The following PRR12 variants were observed in gnomAD, a reference collection of about 807,000 sequenced individuals.
The protein encoded by PRR12 is proline-rich protein 12.
In PRR12, 12 loss-of-function variants were observed where a neutral mutation model predicts 138.0. The observed-to-expected ratio is 0.09, with a 90% confidence interval of 0.06 to 0.14. PRR12 has a LOEUF of 0.14. PRR12 is among the 10% of genes least tolerant of loss of function. PRR12 has a pLI of 1.00. For synonymous variants in PRR12, 1,567 were observed against 1,291.7 expected (o/e 1.21, Z -4.57); for missense variants, 2,692 against 2,861.3 (o/e 0.94, Z 1.35).
chr19:49,597,782 C>G lies in PRR12; in HGVS notation c.3447C>G (p.Pro1149=). Residue 1149 remains proline, a synonymous_variant, in exon 4 of 14, where the codon CCC becomes CCG. Transcript: ENST00000418929. The surrounding 1 kb of genome is among the most constrained non-coding windows in gnomAD (Gnocchi z 6.3). ...ACTTCTGCCCACCCAACCCAGGACC[C>G]GATGGCCCCCGGCGCCGTGGCCGCA... is the stretch of plus-strand genomic sequence containing the variant. ...DIDFCPPNPG[P]DGPRRRGRKP... is the part of the protein sequence containing the mutation. 1 of 1,590,244 alleles carries G rather than the reference C, an allele frequency of 6.3e-7. No homozygotes were observed. Among genetic ancestry groups the G allele is most frequent in the Non-Finnish European group, 8.6e-7 (1 of 1,168,638 alleles).
At position 49,596,285 on chromosome 19, in the gene PRR12, C is replaced by T. The variant is rs767658268; in HGVS notation, c.1950C>T (p.Pro650=). 5.7e-5 allele frequency: 92 copies of T among 1,611,222 alleles called. 1 individual carries two copies. In the East Asian group the frequency reaches 2.0e-3, roughly 36 times the overall value. Residue 650 remains proline, a synonymous_variant, in exon 4 of 14, where the codon CCC becomes CCT. Transcript: ENST00000418929. This position sits in a 1 kb window ranked among gnomAD's most constrained non-coding sequence, Gnocchi z 5.6. The stretch of plus-strand genomic sequence containing the variant: ...TTATCCAGCACCTCTTGCAGGCGCC[C>T]AGCCCTCCTCGGACCTCAGGGGCGG... ...EFLIQHLLQA[P]SPPRTSGADG...
At chr19:49,622,928 TAGAGAGAG>T (rs1312571676) in intron 11 of PRR12, among the ~76,000 whole-genome samples, 53 of 77,756 alleles carry the variant, frequency 6.8e-4, no homozygotes, top group South Asian at 1.4e-3. Flanking sequence ...TATATATATA[TAGAGAGAG>T]AGAGAGAGAG....
rs1378586024 is a variant in PRR12 at position 49,597,955 on chromosome 19, G to A, written c.3620G>A (p.Arg1207Gln). The stretch of plus-strand genomic sequence containing the variant: ...AAACCCCGGGGCCGGGGCCGAGGCC[G>A]GGGTCGAAAGGCTGAGGAGGCAGGG... ...AKKPRGRGRG[R>Q]GRKAEEAGGT... Residue 1207 changes from arginine to glutamine, a missense_variant, in exon 4 of 14, where the codon CGG becomes CAG. This residue lies in a region of PRR12 where 326 missense variants were observed against 344.2 expected (regional missense o/e 0.95). Coordinates refer to ENST00000418929, the MANE Select transcript of PRR12 (RefSeq NM_020719.3). The surrounding 1 kb of genome is among the most constrained non-coding windows in gnomAD (Gnocchi z 6.3). 7.1e-7 allele frequency: 1 copy of A among 1,401,460 alleles called. No homozygotes were observed. Among genetic ancestry groups the A allele is most frequent in the African/African-American group, 1.5e-5 (1 of 65,698 alleles). The allele number at this position is 1,401,460 out of a possible 1,614,324, so 86.8% of individuals were successfully genotyped here. A position where few individuals can be genotyped will look rare whatever the true frequency, so the allele number is the denominator to read the frequency against.
rs2080749233 is a variant in PRR12 at position 49,594,271 on chromosome 19, C to T, written c.200-183C>T. 6.6e-6 allele frequency among the ~76,000 whole-genome samples: 1 copy of T among 151,724 alleles called. No individual in the cohort carries two copies. Among genetic ancestry groups the T allele is most frequent in the Middle Eastern group, 3.4e-3 (1 of 294 alleles). On this transcript the variant is annotated intron_variant, in intron 2 of 13. Transcript: ENST00000418929. The surrounding 1 kb of genome is among the most constrained non-coding windows in gnomAD (Gnocchi z 5.6). The stretch of plus-strand genomic sequence containing the variant: ...TCTTGCTTTACTGTCTCACCTTTCC[C>T]CCTTCCCTCCCCTCATTCATGTCTC...
In PRR12 at chr19:49,616,337, T is replaced by C. The variant is rs145940394; in HGVS notation, c.5497+118T>C. 144 of 897,286 alleles carry C rather than the reference T, an allele frequency of 1.6e-4. No individual in the cohort carries two copies. The East Asian group carries it at 4.0e-3, about 25-fold the overall frequency. The allele number at this position is 897,286 out of a possible 1,614,324, so 55.6% of individuals were successfully genotyped here. ...ACAGTAAGAACCAGTATGTTACAGA[T>C]AATGGCAGTAGCTCACAGTCACGGG... On this transcript the variant is annotated intron_variant, in intron 9 of 13. Coordinates refer to ENST00000418929, the MANE Select transcript of PRR12 (RefSeq NM_020719.3). This position sits in a 1 kb window ranked among gnomAD's most constrained non-coding sequence, Gnocchi z 4.2.
chr19:49,603,920 A>T (rs1395349948), intron 6 of PRR12, among the ~76,000 whole-genome samples: 1 of 151,978 alleles, frequency 6.6e-6, no homozygotes, highest in Non-Finnish European at 1.5e-5. Context: ...GCCCGGGTTC[A>T]AGCGATTCTC....
Position 49,594,411 on chromosome 19 carries a change from A to T in PRR12, c.200-43A>T. ...TCCCTTTCTCTCTTGACTGTATCCT[A>T]CCCACCCCCACCTGGCTGACTATAA... On this transcript the variant is annotated intron_variant, in intron 2 of 13. Transcript: ENST00000418929. This position sits in a 1 kb window ranked among gnomAD's most constrained non-coding sequence, Gnocchi z 5.6. 6.7e-7 allele frequency: 1 copy of T among 1,497,766 alleles called. No homozygotes were observed. Among genetic ancestry groups the T allele is most frequent in the Non-Finnish European group, 9.0e-7 (1 of 1,114,616 alleles). The allele number at this position is 1,497,766 out of a possible 1,614,324, so 92.8% of individuals were successfully genotyped here. A position where few individuals can be genotyped will look rare whatever the true frequency, so the allele number is the denominator to read the frequency against.
chr19:49,610,022 T>C (rs1488020828), intron 6 of PRR12, among the ~76,000 whole-genome samples: 3 of 151,664 alleles, frequency 2.0e-5, no homozygotes, highest in Non-Finnish European at 4.4e-5. Flanking sequence ...TCCCCCAGAC[T>C]GGAGTGCGAT....
rs770729570 is a variant in PRR12 at position 49,597,857 on chromosome 19, C to T, written c.3522C>T (p.Pro1174=). 6.2e-6 allele frequency: 9 copies of T among 1,460,294 alleles called. No individual in the cohort carries two copies. The highest frequency in any genetic ancestry group is 1.4e-5 in the African/African-American group (1 of 70,006). The allele number at this position is 1,460,294 out of a possible 1,614,324, so 90.5% of individuals were successfully genotyped here. A position where few individuals can be genotyped will look rare whatever the true frequency, so the allele number is the denominator to read the frequency against. Residue 1174 remains proline, a synonymous_variant, in exon 4 of 14, where the codon CCC becomes CCT. Transcript: ENST00000418929. The surrounding 1 kb of genome is among the most constrained non-coding windows in gnomAD (Gnocchi z 6.3). ...RDGPPRPRGR[P]RIRPLEVPTT... is the part of the protein sequence containing the mutation. The stretch of plus-strand genomic sequence containing the variant: ...GGCCACCCCGGCCACGGGGGAGGCC[C>T]CGGATCCGCCCCCTGGAGGTCCCGA...
In PRR12 at chr19:49,609,408, C is replaced by T. The variant is rs879058163; in HGVS notation, c.4774-5125C>T. Among the ~76,000 whole-genome samples, 11 of 152,126 alleles carry T rather than the reference C, an allele frequency of 7.2e-5. No homozygotes were observed. In the South Asian group the frequency reaches 1.0e-3, roughly 14 times the overall value. On this transcript the variant is annotated intron_variant, in intron 6 of 13. Coordinates refer to ENST00000418929, the MANE Select transcript of PRR12 (RefSeq NM_020719.3). ...TTGAAGTCAGGAGGTTAAGATCAGC[C>T]TGGACAACATGGTGCAATCCCGTCT...
Position 49,597,426 on chromosome 19 carries a change from C to G in PRR12, c.3091C>G (p.Gln1031Glu). ...CAACGCCGAGCCGCTGGGCCTGATC[C>G]AGAGTGGCCCCCACCAGGCGGCGCC... The part of the protein sequence containing the change: ...TVNAEPLGLI[Q>E]SGPHQAAPPP... The change falls in exon 4 of 14, where the codon CAG becomes GAG. Residue 1031 changes from glutamine (Q) to glutamate (E), a missense_variant. Transcript: ENST00000418929. The surrounding 1 kb of genome is among the most constrained non-coding windows in gnomAD (Gnocchi z 6.3). 1.3e-6 allele frequency: 2 copies of G among 1,538,282 alleles called. No homozygotes were observed. The highest frequency in any genetic ancestry group is 2.4e-5 in the South Asian group (2 of 84,008).
chr19:49,592,292 G>A (rs1032428001), intron 1 of PRR12, among the ~76,000 whole-genome samples: 1 of 152,232 alleles, frequency 6.6e-6, no homozygotes, highest in Non-Finnish European at 1.5e-5. Flanking sequence ...AAGGGAGGGG[G>A]TCAGGCGTCT....
chr19:49,625,899 C>A lies in PRR12; in HGVS notation c.*292C>A, dbSNP rs1027179009. On this transcript the variant is annotated 3_prime_UTR_variant, in exon 14 of 14. Coordinates refer to ENST00000418929, the MANE Select transcript of PRR12 (RefSeq NM_020719.3). The surrounding 1 kb of genome is among the most constrained non-coding windows in gnomAD (Gnocchi z 5.5). Reference sequence around the variant, plus strand: ...TTTCCCTCTCCCCTTGCCCCGACCCCCCCTCCACAGCCACAGCCCCCGCCC... The same window carrying A: ...TTTCCCTCTCCCCTTGCCCCGACCCACCCTCCACAGCCACAGCCCCCGCCC... The A allele has an allele frequency of 1.9e-5, 4 of 215,646 alleles. No individual in the cohort carries two copies. The highest frequency in any genetic ancestry group is 3.6e-5 in the Non-Finnish European group (4 of 109,908). The allele number at this position is 215,646 out of a possible 1,614,324, so 13.4% of individuals were successfully genotyped here.
At position 49,596,054 on chromosome 19, in the gene PRR12, C is replaced by T. The variant is rs1447928119; in HGVS notation, c.1719C>T (p.Ala573=). 3 of 1,601,638 alleles carry T rather than the reference C, an allele frequency of 1.9e-6. No individual in the cohort carries two copies. Among genetic ancestry groups the T allele is most frequent in the Non-Finnish European group, 2.5e-6 (3 of 1,179,738 alleles). ...HIIRPLQSPP[A]TGRPPGVGSP... is the part of the protein sequence containing the mutation. ...TTCGTCCGCTCCAGTCACCGCCTGC[C>T]ACCGGCCGTCCACCTGGAGTCGGCT... The change falls in exon 4 of 14, where the codon GCC becomes GCT. Residue 573 remains alanine, a synonymous_variant. Transcript: ENST00000418929. The surrounding 1 kb of genome is among the most constrained non-coding windows in gnomAD (Gnocchi z 5.6).
chr19:49,594,838 T>G lies in PRR12; in HGVS notation c.503T>G (p.Leu168Arg). The change falls in exon 4 of 14, where the codon CTC becomes CGC. Residue 168 changes from leucine to arginine, a missense_variant. Transcript: ENST00000418929. This position sits in a 1 kb window ranked among gnomAD's most constrained non-coding sequence, Gnocchi z 5.6. ...CGCCCCTTCCCAGTGCCCTCGTCCC[T>G]CAGCCTCCAGGACCCCCCATTCAGC... ...GSRPFPVPSS[L>R]SLQDPPFSPP... The G allele has an allele frequency of 6.2e-7, 1 of 1,611,336 alleles. No individual in the cohort carries two copies. The highest frequency in any genetic ancestry group is 2.2e-5 in the East Asian group (1 of 44,784).
chr19:49,591,763 G>A (rs539766191), intron 1 of PRR12, 23 bp downstream of exon 1: 1 of 1,413,438 alleles, frequency 7.1e-7, no homozygotes, highest in South Asian at 1.4e-5. Context: ...GGGTGGCCTA[G>A]AGAAGGGGGC....
At chr19:49,612,757 C>G (rs567818558) in intron 6 of PRR12, among the ~76,000 whole-genome samples, 1 of 152,102 alleles carries the variant, frequency 6.6e-6, no homozygotes, top group South Asian at 2.1e-4. Flanking sequence ...CTCCACCTCC[C>G]GGGTTCAAGT....
At chr19:49,607,356 CGT>C (rs1158767258) in intron 6 of PRR12, among the ~76,000 whole-genome samples, 1 of 146,896 alleles carries the variant, frequency 6.8e-6, no homozygotes, top group Non-Finnish European at 1.5e-5. Flanking sequence ...CTGTCATGTA[CGT>C]GTGCACACAC....
At chr19:49,623,269 A>C (rs1377455620) in intron 11 of PRR12, among the ~76,000 whole-genome samples, 3 of 152,150 alleles carry the variant, frequency 2.0e-5, no homozygotes, top group African/African-American at 7.2e-5. Flanking sequence ...TAGGGTAGAT[A>C]ATCCCAGTGT....
Sources: gnomAD v4.1 joint callset for allele counts (sites outside exome capture counted in the v4.1 genomes callset) on GRCh38, gnomAD v4.1.1 for gene constraint, gnomAD v4.1.1 regional missense constraint, Gnocchi (gnomAD v3.1) non-coding constraint, MANE v1.5 for transcripts, NCBI Gene and HGNC (gene_info 2026-07-23, HGNC 2026-07-21) for gene names.